Variants in NPY2R observed in about 807,000 individuals in gnomAD.
The protein encoded by NPY2R is neuropeptide Y receptor type 2.
In NPY2R, 17 loss-of-function variants were observed where a neutral mutation model predicts 22.3. The observed-to-expected ratio is 0.76, with a 90% CI of 0.52 to 1.14. The LOEUF is 1.14. Among genes scored for constraint, NPY2R ranks in the 50% most tolerant of loss-of-function variants. The pLI is 0.00. For missense variants in NPY2R, 424 were observed against 467.9 expected (o/e 0.91, Z 0.87); for synonymous variants, 209 against 183.4 (o/e 1.14, Z -1.13).
upstream of NPY2R, chr4:155,206,524 A>G (rs756423135): frequency 2.0e-5 from 3 of 152,250 alleles, no homozygotes; most frequent in Non-Finnish European, 4.4e-5. Context: ...ATTTCAGTTT[A>G]TCAGTTTCTC....
In NPY2R at chr4:155,214,254, G is replaced by A. The variant is rs148709959; in HGVS notation, c.315G>A (p.Pro105=). ...ADLLVNTLCL[P]FTLTYTLMGE... ...TTTTGGTGAACACTCTGTGTCTACC[G>A]TTCACTCTTACCTATACCTTAATGG... Residue 105 remains proline (P), a synonymous_variant, in exon 2 of 2, where the codon CCG becomes CCA. Transcript: ENST00000329476. The A allele has an allele frequency of 2.2e-5, 36 of 1,613,822 alleles. No homozygotes were observed. Among genetic ancestry groups the A allele is most frequent in the South Asian group, 5.5e-5 (5 of 91,068 alleles).
At chr4:155,197,345 G>T in the NPY2R span, among the ~76,000 whole-genome samples, 1 of 151,856 alleles carries the variant, frequency 6.6e-6, no homozygotes, top group Non-Finnish European at 1.5e-5. Context: ...GGTCACAAAT[G>T]GGAGTGTAAA....
At chr4:155,200,366 A>T in the NPY2R span, among the ~76,000 whole-genome samples, 8 of 126,370 alleles carry the variant, frequency 6.3e-5, no homozygotes, top group Admixed American at 1.5e-4. Flanking sequence ...ATAGATGCTG[A>T]AGAAGCTGTG....
intron 1 of NPY2R, among the ~76,000 whole-genome samples, chr4:155,209,777 G>A (rs1729363901): frequency 6.8e-6 from 1 of 148,098 alleles, no homozygotes; most frequent in South Asian, 2.1e-4. Context: ...TTTTTCCCTG[G>A]GAAAAATGTT....
Position 155,214,977 on chromosome 4 carries a change from G to T in NPY2R, c.1038G>T (p.Leu346Phe). The T allele has an allele frequency of 6.2e-7, 1 of 1,614,198 alleles. No homozygotes were observed. Among genetic ancestry groups the T allele is most frequent in the Non-Finnish European group, 8.5e-7 (1 of 1,180,044 alleles). Residue 346 changes from leucine to phenylalanine, a missense_variant, in exon 2 of 2, where the codon TTG becomes TTT. Transcript: ENST00000329476. ...CGGCCTTCCGCTGTGAGCAGCGGTT[G>T]GATGCCATTCACTCTGAGGTGTCCG... The part of the protein sequence containing the change: ...FLSAFRCEQR[L>F]DAIHSEVSVT...
At chr4:155,196,233 T>C in the NPY2R span, among the ~76,000 whole-genome samples, 4 of 151,988 alleles carry the variant, frequency 2.6e-5, no homozygotes, top group African/African-American at 9.7e-5. Context: ...TCTTCTTTTT[T>C]TCCCCAATAT....
upstream of NPY2R, among the ~76,000 whole-genome samples, chr4:155,205,640 T>C (rs1308491797): frequency 2.0e-5 from 3 of 152,234 alleles, no homozygotes; most frequent in Non-Finnish European, 2.9e-5. Flanking sequence ...ATTTGGCAAC[T>C]AATCTTTGGC....
chr4:155,212,187 A>G (rs1262930475), intron 1 of NPY2R, among the ~76,000 whole-genome samples: 1 of 152,232 alleles, frequency 6.6e-6, no homozygotes, highest in Admixed American at 6.5e-5. Flanking sequence ...ACATTCATTG[A>G]AAGGTTCATA....
chr4:155,201,913 A>T, the NPY2R span, among the ~76,000 whole-genome samples: 1 of 152,092 alleles, frequency 6.6e-6, no homozygotes, highest in Non-Finnish European at 1.5e-5. Flanking sequence ...TCTTCCTTTC[A>T]CTGACTATAT....
the NPY2R span, among the ~76,000 whole-genome samples, chr4:155,178,663 A>G: frequency 6.6e-6 from 1 of 152,174 alleles, no homozygotes; most frequent in African/African-American, 2.4e-5. Context: ...ATATTTTGAA[A>G]CTTATTTGAA....
upstream of NPY2R, chr4:155,206,604 G>T (rs1361451802): frequency 6.6e-6 from 1 of 152,194 alleles, no homozygotes; most frequent in Non-Finnish European, 1.5e-5. Flanking sequence ...TTGCTGACTA[G>T]ATGTCTGTGG....
At chr4:155,186,308 A>G in the NPY2R span, among the ~76,000 whole-genome samples, 2 of 152,156 alleles carry the variant, frequency 1.3e-5, no homozygotes, top group Non-Finnish European at 2.9e-5. Flanking sequence ...GATAAATCAT[A>G]TTTTAGGTTA....
chr4:155,212,054 A>C (rs111328140), intron 1 of NPY2R, among the ~76,000 whole-genome samples: 2,536 of 152,312 alleles, frequency 0.017, 56 homozygotes, highest in African/African-American at 0.058. Flanking sequence ...ACAGAGCAGA[A>C]CAGAACAGAG....
At chr4:155,177,289 AG>A in the NPY2R span, among the ~76,000 whole-genome samples, 76 of 152,328 alleles carry the variant, frequency 5.0e-4, no homozygotes, top group Non-Finnish European at 8.5e-4. Context: ...AAATCAAACA[AG>A]TTATATGCTC....
chr4:155,183,452 G>T, the NPY2R span, among the ~76,000 whole-genome samples: 1 of 152,180 alleles, frequency 6.6e-6, no homozygotes, highest in Non-Finnish European at 1.5e-5. Context: ...CCAAGAGACA[G>T]CCTGGAAGGA....
rs1729491268 is a variant in NPY2R at position 155,215,195 on chromosome 4, C to A, written c.*110C>A. ...TTCCCATTTTAAAGAAGAAGTGGATCTAAATGGAAGCATCTGCTGTTTAAT... is the reference window on the plus strand; with the variant it reads ...TTCCCATTTTAAAGAAGAAGTGGATATAAATGGAAGCATCTGCTGTTTAAT... On this transcript the variant is annotated 3_prime_UTR_variant, in exon 2 of 2. Transcript: ENST00000329476. The A allele has an allele frequency of 9.6e-7, 1 of 1,037,822 alleles. No individual in the cohort carries two copies. The highest frequency in any genetic ancestry group is 1.5e-6 in the Non-Finnish European group (1 of 675,296). 64.3% of individuals were successfully genotyped at this position (1,037,822 alleles called of 1,614,324 possible). A position where few individuals can be genotyped will look rare whatever the true frequency, so the allele number is the denominator to read the frequency against.
intron 1 of NPY2R, among the ~76,000 whole-genome samples, chr4:155,213,333 A>T (rs1729443333): frequency 6.6e-6 from 1 of 152,224 alleles, no homozygotes; most frequent in Admixed American, 6.5e-5. Context: ...TATTTTTAAT[A>T]CTAAATCCTG....
chr4:155,176,379 C>T, the NPY2R span, among the ~76,000 whole-genome samples: 1 of 152,298 alleles, frequency 6.6e-6, no homozygotes, highest in African/African-American at 2.4e-5. Context: ...TGTTGGCTTT[C>T]TTCTCGGGCG....
At chr4:155,193,184 C>CTA in the NPY2R span, among the ~76,000 whole-genome samples, 13 of 151,596 alleles carry the variant, frequency 8.6e-5, no homozygotes, top group African/African-American at 1.2e-4. Flanking sequence ...ATCCTAGAGA[C>CTA]TATATATATA....
Sources: allele counts gnomAD v4.1 joint callset (sites outside exome capture counted in the v4.1 genomes callset), GRCh38; gene constraint gnomAD v4.1.1; transcripts MANE v1.5; gene names NCBI Gene and HGNC (gene_info 2026-07-23, HGNC 2026-07-21).